The following PCDHGA8 variants were observed in gnomAD, a reference collection of about 807,000 sequenced individuals.
PCDHGA8 encodes protocadherin gamma subfamily A, 8.
Under a neutral mutation model 59.2 loss-of-function variants are expected in PCDHGA8, and 45 were observed. That is an observed-to-expected ratio of 0.76 (90% CI 0.60 to 0.98). The LOEUF is 0.98. Ranked by LOEUF, PCDHGA8 falls within the 50% of genes least tolerant of loss-of-function variation. The pLI, the probability that PCDHGA8 is intolerant of heterozygous loss-of-function variation, is 0.00. For missense variants in PCDHGA8, 1,257 were observed against 1,196.2 expected (o/e 1.05, Z -0.75); for synonymous variants, 531 against 519.0 (o/e 1.02, Z -0.32).
chr5:141,404,725 G>T, intron 1 of PCDHGA8: 1 of 1,614,098 alleles, frequency 6.2e-7, no homozygotes. Flanking sequence ...TGACCAAGGT[G>T]GTGGCAGTGG....
chr5:141,413,541 G>A, intron 1 of PCDHGA8: 1 of 1,613,904 alleles, frequency 6.2e-7, no homozygotes, highest in Non-Finnish European at 8.5e-7. Flanking sequence ...AACTTTTTGG[G>A]ATAGAAATAG....
intron 1 of PCDHGA8, among the ~76,000 whole-genome samples, chr5:141,446,149 G>T (rs2098490670): frequency 6.6e-6 from 1 of 152,178 alleles, no homozygotes; most frequent in Non-Finnish European, 1.5e-5. Context: ...GGAATAGGTG[G>T]AATATAAATT....
rs776975666 is a variant in PCDHGA8 at position 141,432,850 on chromosome 5, G to A, written c.2424+37613G>A. The A allele has an allele frequency of 6.2e-7, 1 of 1,614,170 alleles. No homozygotes were observed. The highest frequency in any genetic ancestry group is 1.1e-5 in the South Asian group (1 of 91,088). ...TCACTCTGTACCTGGTGGTAGCGGT[G>A]GCCGCGGTCTCCTGCGTCTTCCTGG... is the stretch of plus-strand genomic sequence containing the variant. On this transcript the variant is annotated intron_variant, in intron 1 of 3. Coordinates refer to ENST00000398604, the MANE Select transcript of PCDHGA8 (RefSeq NM_032088.2). The surrounding 1 kb of genome is among the most constrained non-coding windows in gnomAD (Gnocchi z 6.0).
At chr5:141,484,795 C>G (rs1265916821) in intron 1 of PCDHGA8, among the ~76,000 whole-genome samples, 1 of 151,902 alleles carries the variant, frequency 6.6e-6, no homozygotes, top group Middle Eastern at 3.4e-3. Flanking sequence ...AGATAACAAC[C>G]CGTGGAAAAA....
chr5:141,394,868 C>G lies in PCDHGA8; in HGVS notation c.2055C>G (p.Asn685Lys), dbSNP rs1159006718. The change falls in exon 1 of 4, where the codon AAC becomes AAG. Residue 685 changes from asparagine to lysine, a missense_variant. Coordinates refer to ENST00000398604, the MANE Select transcript of PCDHGA8 (RefSeq NM_032088.2). ...GTCTGAAGCCTTCGGTCGACCCGAA[C>G]GATTCGAGCCTTACACTCTATCTCG... ...LGSLKPSVDPNDSSLTLYLVV... is the reference protein window; with the variant it reads ...LGSLKPSVDPKDSSLTLYLVV... The G allele has an allele frequency of 1.7e-5, 27 of 1,613,710 alleles. No homozygotes were observed. In the African/African-American group the frequency reaches 1.7e-4, roughly 10 times the overall value.
At chr5:141,468,822 A>C (rs867400152) in intron 1 of PCDHGA8, among the ~76,000 whole-genome samples, 4 of 151,874 alleles carry the variant, frequency 2.6e-5, no homozygotes, top group Middle Eastern at 3.4e-3. Context: ...GCCAAGATCA[A>C]GCCACTGCAC....
At chr5:141,500,672 C>A (rs2099801937) in intron 2 of PCDHGA8, among the ~76,000 whole-genome samples, 1 of 152,156 alleles carries the variant, frequency 6.6e-6, no homozygotes, top group South Asian at 2.1e-4. Context: ...TACTGTCCAA[C>A]AGAATTATAG....
Position 141,489,075 on chromosome 5 carries a change from C to A in PCDHGA8, c.2425-5732C>A. The A allele has an allele frequency of 3.1e-6, 1 of 324,814 alleles. No individual in the cohort carries two copies. The highest frequency in any genetic ancestry group is 5.5e-6 in the Non-Finnish European group (1 of 180,380). The allele number at this position is 324,814 out of a possible 1,614,324, so 20.1% of individuals were successfully genotyped here. A position where few individuals can be genotyped will look rare whatever the true frequency, so the allele number is the denominator to read the frequency against. ...TCAGCTCCCCTCCCCCCTGCCCACCCCCGCCACTCGGTGACTAAGAACTGC... is the reference window on the plus strand; with the variant it reads ...TCAGCTCCCCTCCCCCCTGCCCACCACCGCCACTCGGTGACTAAGAACTGC... On this transcript the variant is annotated intron_variant, in intron 1 of 3. Coordinates refer to ENST00000398604, the MANE Select transcript of PCDHGA8 (RefSeq NM_032088.2). The surrounding 1 kb of genome is among the most constrained non-coding windows in gnomAD (Gnocchi z 4.5).
chr5:141,456,973 A>G (rs1276476368), intron 1 of PCDHGA8, among the ~76,000 whole-genome samples: 2 of 147,412 alleles, frequency 1.4e-5, no homozygotes, highest in Admixed American at 6.7e-5. Flanking sequence ...AAAACAAAAC[A>G]AACAAACAAA....
chr5:141,500,493 G>A (rs1239876467), intron 2 of PCDHGA8, among the ~76,000 whole-genome samples: 1 of 152,166 alleles, frequency 6.6e-6, no homozygotes, highest in Admixed American at 6.5e-5. Context: ...ACAGGCGTGA[G>A]CCACCGCGCC....
intron 1 of PCDHGA8, among the ~76,000 whole-genome samples, chr5:141,401,300 C>A (rs1169689828): frequency 1.3e-5 from 2 of 152,200 alleles, no homozygotes; most frequent in African/African-American, 4.8e-5. Context: ...CGAGATCACT[C>A]CATTGCATTC....
chr5:141,451,565 C>A (rs1336048717), intron 1 of PCDHGA8, among the ~76,000 whole-genome samples: 2 of 152,062 alleles, frequency 1.3e-5, no homozygotes, highest in South Asian at 2.1e-4. Flanking sequence ...AAGCCACAAT[C>A]TTTTTATAAA....
chr5:141,485,314 T>G lies in PCDHGA8; in HGVS notation c.2425-9493T>G. Reference sequence around the variant, plus strand: ...CACAGGAAGGGACTTTTGTAGGGAATGTCGCTCAAGATTTCCTGCTGGATA... The same window carrying G: ...CACAGGAAGGGACTTTTGTAGGGAAGGTCGCTCAAGATTTCCTGCTGGATA... On this transcript the variant is annotated intron_variant, in intron 1 of 3. Coordinates refer to ENST00000398604, the MANE Select transcript of PCDHGA8 (RefSeq NM_032088.2). This position sits in a 1 kb window ranked among gnomAD's most constrained non-coding sequence, Gnocchi z 5.7. 1 of 1,614,150 alleles carries G rather than the reference T, an allele frequency of 6.2e-7. No individual in the cohort carries two copies. The highest frequency in any genetic ancestry group is 8.5e-7 in the Non-Finnish European group (1 of 1,180,032).
intron 1 of PCDHGA8, among the ~76,000 whole-genome samples, chr5:141,449,549 A>G (rs1431239786): frequency 6.8e-6 from 1 of 147,830 alleles, no homozygotes; most frequent in East Asian, 2.0e-4. Context: ...AGATCGCACC[A>G]CTGCACTCCA....
chr5:141,511,358 G>T lies in PCDHGA8; in HGVS notation c.*185G>T, dbSNP rs905197337. 1.5e-6 allele frequency: 2 copies of T among 1,355,398 alleles called. No homozygotes were observed. Among genetic ancestry groups the T allele is most frequent in the East Asian group, 2.5e-5 (1 of 39,588 alleles). The allele number at this position is 1,355,398 out of a possible 1,614,324, so 84.0% of individuals were successfully genotyped here. ...GCACCTACCCCTTCCCCCCCAGGGGGTTGAATATGCAAAAGCAGTTCCGCT... is the reference window on the plus strand; with the variant it reads ...GCACCTACCCCTTCCCCCCCAGGGGTTTGAATATGCAAAAGCAGTTCCGCT... On this transcript the variant is annotated 3_prime_UTR_variant, in exon 4 of 4. Coordinates refer to ENST00000398604, the MANE Select transcript of PCDHGA8 (RefSeq NM_032088.2).
chr5:141,478,799 CTT>C, intron 1 of PCDHGA8: 1 of 1,463,738 alleles, frequency 6.8e-7, no homozygotes, highest in Non-Finnish European at 9.0e-7. Flanking sequence ...CCTCAGCACT[CTT>C]TTGCTATCAC....
chr5:141,476,453 G>C lies in PCDHGA8; in HGVS notation c.2425-18354G>C. On this transcript the variant is annotated intron_variant, in intron 1 of 3. Coordinates refer to ENST00000398604, the MANE Select transcript of PCDHGA8 (RefSeq NM_032088.2). This position sits in a 1 kb window ranked among gnomAD's most constrained non-coding sequence, Gnocchi z 7.6. The stretch of plus-strand genomic sequence containing the variant: ...CACTGTAACTCTGGAGTTGGTAGTG[G>C]AGAACCCGCTGGAGCTGTTCAGCGT... 2 of 1,614,138 alleles carry C rather than the reference G, an allele frequency of 1.2e-6. No homozygotes were observed. Among genetic ancestry groups the C allele is most frequent in the Non-Finnish European group, 1.7e-6 (2 of 1,180,022 alleles).
Position 141,408,894 on chromosome 5 carries a change from C to T in PCDHGA8, c.2424+13657C>T, listed in dbSNP as rs778126197. 71 of 1,613,186 alleles carry T rather than the reference C, an allele frequency of 4.4e-5. No homozygotes were observed. The Middle Eastern group carries it at 4.9e-4, about 11-fold the overall frequency. ...AGTGCCACCGCTCACATAGAAATTT[C>T]TGTCAAGGATACCAATGATAACCCC... On this transcript the variant is annotated intron_variant, in intron 1 of 3. Transcript: ENST00000398604.
At chr5:141,419,049 C>T in intron 1 of PCDHGA8, 6 of 1,613,954 alleles carry the variant, frequency 3.7e-6, no homozygotes, top group Non-Finnish European at 5.1e-6. Flanking sequence ...ATTCATTCTT[C>T]TTCTAATAAT....
Sources: allele counts gnomAD v4.1 joint callset (sites outside exome capture counted in the v4.1 genomes callset), GRCh38; gene constraint gnomAD v4.1.1; non-coding constraint Gnocchi (gnomAD v3.1); transcripts MANE v1.5; gene names NCBI Gene and HGNC (gene_info 2026-07-23, HGNC 2026-07-21).